The following WRAP73 variants were observed in gnomAD, a reference collection of about 807,000 sequenced individuals.
WRAP73 encodes WD repeat containing, antisense to TP73.
In WRAP73, 55 loss-of-function variants were observed where a neutral mutation model predicts 59.6. The observed-to-expected ratio is 0.92, with a 90% CI of 0.74 to 1.15. WRAP73 has a LOEUF of 1.15. Ranked by LOEUF, WRAP73 falls within the 50% of genes most tolerant of loss-of-function variation. The pLI is 0.00. For missense variants in WRAP73, 592 were observed against 608.1 expected, an observed-to-expected ratio of 0.97 and a Z score of 0.28; for synonymous variants, 265 against 258.2, an observed-to-expected ratio of 1.03 and a Z score of -0.25.
At chr1:3,641,668 A>T (rs1328639205) in intron 3 of WRAP73, among the ~76,000 whole-genome samples, 8 of 152,218 alleles carry the variant, frequency 5.3e-5, no homozygotes, top group African/African-American at 1.7e-4. Flanking sequence ...TTGTGGCGGC[A>T]ATGACGTGCA....
intron 5 of WRAP73, 65 bp downstream of exon 5, chr1:3,636,930 T>C (rs1644593770): frequency 6.7e-7 from 1 of 1,490,892 alleles, no homozygotes; most frequent in South Asian, 1.2e-5. Context: ...TCTGGAAGGA[T>C]CTACTTCACT....
intron 5 of WRAP73, 30 bp downstream of exon 5, chr1:3,636,962 GACA>G: frequency 6.2e-7 from 1 of 1,601,374 alleles, no homozygotes; most frequent in Non-Finnish European, 8.6e-7. Context: ...CAGTCAGCAG[GACA>G]ACTTTATTCC....
chr1:3,630,839 A>ATT lies in WRAP73; in HGVS notation c.*135_*136insAA. The ATT allele has an allele frequency of 8.6e-7, 1 of 1,168,910 alleles. No homozygotes were observed. The highest frequency in any genetic ancestry group is 1.5e-5 in the African/African-American group (1 of 65,076). 72.4% of individuals were successfully genotyped at this position (1,168,910 alleles called of 1,614,324 possible). A position where few individuals can be genotyped will look rare whatever the true frequency, so the allele number is the denominator to read the frequency against. ...TTTTATACCATACATATTTACAAAA[A>ATT]TGCTTTGCTATAGAAAAATAGAATC... On this transcript the variant is annotated 3_prime_UTR_variant, in exon 12 of 12. Coordinates refer to ENST00000270708, the MANE Select transcript of WRAP73 (RefSeq NM_017818.4).
intron 4 of WRAP73, among the ~76,000 whole-genome samples, chr1:3,638,093 G>A (rs1445018013): frequency 6.6e-6 from 1 of 152,180 alleles, no homozygotes; most frequent in African/African-American, 2.4e-5. Context: ...CAAACCGCTG[G>A]CAGCAACAGA....
rs779089152 is a variant in WRAP73, at chr1:3,647,498, C to T, written c.132G>A (p.Leu44=). 6 of 1,613,884 alleles carry T rather than the reference C, an allele frequency of 3.7e-6. No individual in the cohort carries two copies. In the East Asian group the frequency reaches 1.3e-4, roughly 36 times the overall value. ...RDVNTLQILQ[L]YTCLDQIQHI... ...GCTGGATCTGGTCTAGGCACGTGTA[C>T]AGCTGAAGGATCTGAAGGGTGTTCA... Residue 44 remains leucine, a synonymous_variant, in exon 2 of 12, where the codon CTG becomes CTA. Coordinates refer to ENST00000270708, the MANE Select transcript of WRAP73 (RefSeq NM_017818.4).
intron 4 of WRAP73, 120 bp from the exon 5 acceptor site, chr1:3,637,218 G>T: frequency 1.2e-6 from 1 of 843,792 alleles, no homozygotes; most frequent in Non-Finnish European, 1.9e-6. Flanking sequence ...GAAGGGAAAT[G>T]GCACAATGCC....
At chr1:3,633,232 A>T in intron 9 of WRAP73, 166 bp downstream of exon 9, 1 of 695,188 alleles carries the variant, frequency 1.4e-6, no homozygotes, top group Non-Finnish European at 2.6e-6. Context: ...CGCAATTCAG[A>T]CCCTAGTCAA....
rs60109330 is a variant in WRAP73 at position 3,644,868 on chromosome 1, G to A, written c.339+1798C>T. On this transcript the variant is annotated intron_variant, in intron 3 of 11. Coordinates refer to ENST00000270708, the MANE Select transcript of WRAP73 (RefSeq NM_017818.4). ...GTTTTCCTTCTGGGCCATTTAATAAGATAATACAACAAGGCTGACCCCATG... is the reference window on the plus strand; with the variant it reads ...GTTTTCCTTCTGGGCCATTTAATAAAATAATACAACAAGGCTGACCCCATG... Among the ~76,000 whole-genome samples the A allele has an allele frequency of 4.2e-3, 634 of 152,252 alleles. 7 individuals are homozygous for A. The highest frequency in any genetic ancestry group is 0.014 in the African/African-American group (602 of 41,548).
Position 3,647,431 on chromosome 1 carries a change from T to C in WRAP73, c.199A>G (p.Met67Val). The stretch of plus-strand genomic sequence containing the variant: ...ACCTGCACCAGCCCTCGCTTGTACA[T>C]GGCGCACAGGATGAAGAGCGAGTCT... ...SADSLFILCA[M>V]YKRGLVQVWS... is the part of the protein sequence containing the mutation. The change falls in exon 2 of 12, where the codon ATG (methionine) becomes GTG (valine). Residue 67 changes from methionine (M) to valine (V), a missense_variant. By Grantham distance (21) the Met-to-Val change is conservative. Transcript: ENST00000270708. 4 of 1,613,704 alleles carry C rather than the reference T, an allele frequency of 2.5e-6. No homozygotes were observed. The highest frequency in any genetic ancestry group is 1.7e-5 in the Admixed American group (1 of 60,000).
Position 3,635,769 on chromosome 1 carries a change from C to T in WRAP73, c.603+175G>A, listed in dbSNP as rs1197521186. On this transcript the variant is annotated intron_variant, in intron 6 of 11. Coordinates refer to ENST00000270708, the MANE Select transcript of WRAP73 (RefSeq NM_017818.4). ...CCAGGAGGTCGAGGCTGCAGTGGGC[C>T]GTGATCACACCACTGCACTCCAGCC... 8.3e-6 allele frequency: 5 copies of T among 599,254 alleles called. No homozygotes were observed. The African/African-American group carries it at 9.3e-5, about 11-fold the overall frequency. The allele number at this position is 599,254 out of a possible 1,614,324, so 37.1% of individuals were successfully genotyped here.
chr1:3,641,745 C>T (rs1475150136), intron 3 of WRAP73, among the ~76,000 whole-genome samples: 1 of 151,910 alleles, frequency 6.6e-6, no homozygotes, highest in Non-Finnish European at 1.5e-5. Flanking sequence ...TTTTAATTGC[C>T]TTTATTCAGA....
chr1:3,637,571 G>T (rs1644600333), intron 4 of WRAP73, among the ~76,000 whole-genome samples: 1 of 152,214 alleles, frequency 6.6e-6, no homozygotes, highest in African/African-American at 2.4e-5. Context: ...GCCAGGCATG[G>T]TGGCTCACGC....
chr1:3,635,886 G>C, intron 6 of WRAP73, 58 bp downstream of exon 6: 1 of 1,403,076 alleles, frequency 7.1e-7, no homozygotes, highest in Non-Finnish European at 1.0e-6. Context: ...CATTCAGAAA[G>C]CATGAAATTC....
Position 3,635,479 on chromosome 1 carries a change from A to G in WRAP73, c.604-185T>C, listed in dbSNP as rs1161844086. On this transcript the variant is annotated intron_variant, in intron 6 of 11. Coordinates refer to ENST00000270708, the MANE Select transcript of WRAP73 (RefSeq NM_017818.4). ...ATAGTCACGGAGAGGCAGTGAGAGC[A>G]TGAGGAAAAAGGGGAAATTGGGAGG... 5.2e-6 allele frequency: 4 copies of G among 776,656 alleles called. No individual in the cohort carries two copies. In the African/African-American group the frequency reaches 5.3e-5, roughly 10 times the overall value. The allele number at this position is 776,656 out of a possible 1,614,324, so 48.1% of individuals were successfully genotyped here.
chr1:3,636,366 T>A, intron 5 of WRAP73: 1 of 336,992 alleles, frequency 3.0e-6, no homozygotes, highest in Non-Finnish European at 5.6e-6. Flanking sequence ...GTGCACACTC[T>A]CCCCCTCACC....
chr1:3,631,596 G>C lies in WRAP73; in HGVS notation c.1110C>G (p.Leu370=). The C allele has an allele frequency of 6.2e-7, 1 of 1,607,248 alleles. No individual in the cohort carries two copies. The highest frequency in any genetic ancestry group is 8.5e-7 in the Non-Finnish European group (1 of 1,179,852). Reference sequence around the variant, plus strand: ...ATGCGCGCACTGGGGACAGCTGCTCGAGCACCGCGAACAGCCTCAGCTTCT... The same window carrying C: ...ATGCGCGCACTGGGGACAGCTGCTCCAGCACCGCGAACAGCCTCAGCTTCT... The part of the protein sequence containing the change: ...DIQKLRLFAV[L]EQLSPVRAFQ... The change falls in exon 11 of 12, where the codon CTC becomes CTG. Residue 370 remains leucine (L), a synonymous_variant. Transcript: ENST00000270708.
In WRAP73 at chr1:3,646,857, A is replaced by G; in HGVS notation, c.223-75T>C. On this transcript the variant is annotated intron_variant, in intron 2 of 11. Coordinates refer to ENST00000270708, the MANE Select transcript of WRAP73 (RefSeq NM_017818.4). The surrounding 1 kb of genome is among the most constrained non-coding windows in gnomAD (Gnocchi z 5.1). ...AGAGACAGCGAGGACAGCTCGCTTA[A>G]ACGCAGCGGAGACCCGACCGCACAG... 1 of 1,350,564 alleles carries G rather than the reference A, an allele frequency of 7.4e-7. No homozygotes were observed. The highest frequency in any genetic ancestry group is 1.0e-6 in the Non-Finnish European group (1 of 958,918). The allele number at this position is 1,350,564 out of a possible 1,614,324, so 83.7% of individuals were successfully genotyped here.
At chr1:3,640,471 G>A (rs1265044809) in intron 3 of WRAP73, among the ~76,000 whole-genome samples, 3 of 148,528 alleles carry the variant, frequency 2.0e-5, no homozygotes, top group African/African-American at 7.6e-5. Flanking sequence ...AGCATCAGCA[G>A]GGCAGGGTGG....
In WRAP73 at chr1:3,634,985, T is replaced by C; in HGVS notation, c.816+12A>G. The C allele has an allele frequency of 6.2e-7, 1 of 1,614,108 alleles. No homozygotes were observed. The highest frequency in any genetic ancestry group is 8.5e-7 in the Non-Finnish European group (1 of 1,179,994). The stretch of plus-strand genomic sequence containing the variant: ...CAGCCTGCTCAGGCAGAAACACGTG[T>C]TCCAGACTTACTATCTTGGGATCAT... On this transcript the variant is annotated intron_variant, in intron 8 of 11. Transcript: ENST00000270708.
Sources: allele counts gnomAD v4.1 joint callset (sites outside exome capture counted in the v4.1 genomes callset), GRCh38; gene constraint gnomAD v4.1.1; non-coding constraint Gnocchi (gnomAD v3.1); transcripts MANE v1.5; gene names NCBI Gene and HGNC (gene_info 2026-07-23, HGNC 2026-07-21).